The following SMG6 variants were observed in gnomAD, a reference collection of about 807,000 sequenced individuals.
The protein encoded by SMG6 is telomerase-binding protein EST1A.
Under a neutral mutation model 142.2 loss-of-function variants are expected in SMG6, and 66 were observed. That is an observed-to-expected ratio of 0.46 (90% CI 0.38 to 0.57). The LOEUF is 0.57. SMG6 is among the 20% of genes least tolerant of loss of function. The pLI is 0.00. For synonymous variants in SMG6, 779 were observed against 702.4 expected, an observed-to-expected ratio of 1.11 and a Z score of -1.72; for missense variants, 1,793 against 1,832.0, an observed-to-expected ratio of 0.98 and a Z score of 0.39.
intron 10 of SMG6, among the ~76,000 whole-genome samples, chr17:2,211,101 T>TACAA (rs2072844367): frequency 2.1e-5 from 3 of 141,160 alleles, no homozygotes; most frequent in Non-Finnish European, 4.5e-5. Flanking sequence ...TGGATTTTAT[T>TACAA]AAAAAAAAAA....
intron 12 of SMG6, among the ~76,000 whole-genome samples, chr17:2,185,184 T>C (rs1028868710): frequency 5.9e-5 from 9 of 151,412 alleles, no homozygotes; most frequent in South Asian, 4.2e-4. Flanking sequence ...GTGGCCACAG[T>C]TGGATGGATG....
intron 8 of SMG6, 184 bp from the exon 9 acceptor site, chr17:2,244,903 G>C: frequency 1.7e-6 from 1 of 594,092 alleles, no homozygotes; most frequent in South Asian, 2.0e-5. Context: ...CTGCCGCTCA[G>C]CTGAGCCAAG....
intron 8 of SMG6, among the ~76,000 whole-genome samples, chr17:2,273,415 C>T (rs886319277): frequency 6.6e-6 from 1 of 152,138 alleles, no homozygotes; most frequent in Non-Finnish European, 1.5e-5. Context: ...AATCCCAGCA[C>T]TTTGGGAGGC....
chr17:2,207,117 C>CAAAAAAAAAA (rs34276256), intron 10 of SMG6, among the ~76,000 whole-genome samples: 68 of 79,716 alleles, frequency 8.5e-4, no homozygotes, highest in Non-Finnish European at 1.2e-3. Context: ...ACTAAAAATC[C>CAAAAAAAAAA]AAAAAAAAAA....
intron 13 of SMG6, among the ~76,000 whole-genome samples, chr17:2,153,645 G>C (rs1410031082): frequency 6.7e-6 from 1 of 148,966 alleles, no homozygotes; most frequent in Non-Finnish European, 1.5e-5. Flanking sequence ...TGTAGAGTGT[G>C]ACGGTGACTG....
At chr17:2,225,974 G>T (rs1031189854) in intron 10 of SMG6, among the ~76,000 whole-genome samples, 1 of 152,174 alleles carries the variant, frequency 6.6e-6, no homozygotes, top group South Asian at 2.1e-4. Context: ...GTTATAGAGA[G>T]AACTCTTAAG....
At chr17:2,135,337 A>G (rs150699647) in intron 13 of SMG6, among the ~76,000 whole-genome samples, 2 of 152,328 alleles carry the variant, frequency 1.3e-5, no homozygotes, top group East Asian at 3.8e-4. Flanking sequence ...AACATTAAAA[A>G]TCTATTCTTT....
At position 2,065,525 on chromosome 17, in the gene SMG6, G is replaced by A; in HGVS notation, c.3990C>T (p.Ser1330=). 1 of 1,613,944 alleles carries A rather than the reference G, an allele frequency of 6.2e-7. No individual in the cohort carries two copies. The highest frequency in any genetic ancestry group is 8.5e-7 in the Non-Finnish European group (1 of 1,180,014). ...SRDSCLRALT[S]RGNELESIAF... is the part of the protein sequence containing the mutation. The stretch of plus-strand genomic sequence containing the variant: ...CGATGGATTCGAGTTCATTGCCACG[G>A]CTGGTCAGGGCTCGCAGGCAAGAGT... Residue 1330 remains serine (S), a synonymous_variant, in exon 17 of 19, where the codon AGC becomes AGT. Transcript: ENST00000263073.
At chr17:2,130,747 TA>T (rs370855097) in intron 13 of SMG6, among the ~76,000 whole-genome samples, 281 of 142,952 alleles carry the variant, frequency 2.0e-3, no homozygotes, top group East Asian at 0.016. Flanking sequence ...TCAAGTGGTT[TA>T]AAAAAAAAAA....
At chr17:2,116,844 A>G (rs1381656213) in intron 13 of SMG6, among the ~76,000 whole-genome samples, 4 of 132,352 alleles carry the variant, frequency 3.0e-5, no homozygotes, top group Admixed American at 2.2e-4. Flanking sequence ...AATACTGGAA[A>G]AAAAAAACAC....
At chr17:2,093,682 C>A (rs746192568) in intron 13 of SMG6, among the ~76,000 whole-genome samples, 8 of 151,894 alleles carry the variant, frequency 5.3e-5, no homozygotes, top group Non-Finnish European at 8.8e-5. Flanking sequence ...GTTGAAGCTG[C>A]AAAAAAAATT....
chr17:2,183,745 GACACACACACACAC>G lies in SMG6; in HGVS notation c.3155+2904_3155+2917del, dbSNP rs56210030. On this transcript the variant is annotated intron_variant, in intron 12 of 18. Transcript: ENST00000263073. ...GCTGATCCCTGATACAGGTGCGTGC[GACACACACACACAC>G]ACACACACACACACACACACACACA... Among the ~76,000 whole-genome samples the G allele has an allele frequency of 3.3e-3, 488 of 146,442 alleles. 2 individuals are homozygous for G. The highest frequency in any genetic ancestry group is 4.7e-3 in the Non-Finnish European group (314 of 66,352).
rs2072799569 is a variant in SMG6 at position 2,209,995 on chromosome 17, C to A, written c.2870-21480G>T. The stretch of plus-strand genomic sequence containing the variant: ...GATCTCAGCTAAAGAAAGGCACTTC[C>A]CCCAAATCACCGCACCTTCCCAGGT... On this transcript the variant is annotated intron_variant, in intron 10 of 18. Transcript: ENST00000263073. Among the ~76,000 whole-genome samples, 3 of 152,106 alleles carry A rather than the reference C, an allele frequency of 2.0e-5. No homozygotes were observed. The South Asian group carries it at 6.2e-4, about 31-fold the overall frequency.
At chr17:2,201,853 A>G (rs1317273803) in intron 10 of SMG6, among the ~76,000 whole-genome samples, 1 of 151,834 alleles carries the variant, frequency 6.6e-6, no homozygotes, top group African/African-American at 2.4e-5. Flanking sequence ...GTGAAACCCC[A>G]TCTCTACTAA....
At chr17:2,127,783 G>A in intron 13 of SMG6, 3 of 554,076 alleles carry the variant, frequency 5.4e-6, no homozygotes, top group East Asian at 9.6e-5. Context: ...TCTGAGGGCT[G>A]AAAATTCACT....
intron 8 of SMG6, among the ~76,000 whole-genome samples, chr17:2,250,431 A>G (rs2074021589): frequency 6.6e-6 from 1 of 151,052 alleles, no homozygotes; most frequent in African/African-American, 2.4e-5. Context: ...TCTGTCACCC[A>G]GACTGGAGTA....
intron 13 of SMG6, among the ~76,000 whole-genome samples, chr17:2,120,100 G>A (rs751764750): frequency 2.6e-5 from 4 of 152,190 alleles, no homozygotes; most frequent in Non-Finnish European, 5.9e-5. Context: ...GAGCCACCGC[G>A]CCCGGCCTCC....
intron 8 of SMG6, among the ~76,000 whole-genome samples, chr17:2,282,285 T>C (rs2074803623): frequency 6.6e-6 from 1 of 151,660 alleles, no homozygotes; most frequent in Non-Finnish European, 1.5e-5. Context: ...TCCATGCTAC[T>C]TTAGTTCATT....
At chr17:2,083,380 C>A (rs556399933) in intron 14 of SMG6, among the ~76,000 whole-genome samples, 2 of 152,130 alleles carry the variant, frequency 1.3e-5, no homozygotes, top group African/African-American at 4.8e-5. Flanking sequence ...GATCCCTAAG[C>A]GACTAAACTG....
Sources: allele counts gnomAD v4.1 joint callset (sites outside exome capture counted in the v4.1 genomes callset), GRCh38; gene constraint gnomAD v4.1.1; transcripts MANE v1.5; gene names NCBI Gene and HGNC (gene_info 2026-07-23, HGNC 2026-07-21).